Variants in NRXN3 observed in about 807,000 individuals in gnomAD.
NRXN3 encodes neurexin 3.
In NRXN3, 32 loss-of-function variants were observed where a neutral mutation model predicts 137.6. The ratio of observed to expected loss-of-function variants is 0.23; its 90% CI spans 0.18 to 0.31. The LOEUF (loss-of-function observed/expected upper bound fraction) is 0.31. Ranked by LOEUF, NRXN3 falls within the 10% of genes least tolerant of loss-of-function variation. The pLI, the probability that NRXN3 is intolerant of heterozygous loss-of-function variation, is 1.00. For missense variants in NRXN3, 1,574 were observed against 2,062.5 expected (o/e 0.76, Z 4.59); for synonymous variants, 798 against 784.5 (o/e 1.02, Z -0.29).
chr14:78,496,839 C>G (rs1208989126), intron 4 of NRXN3, among the ~76,000 whole-genome samples: 1 of 151,870 alleles, frequency 6.6e-6, no homozygotes. Flanking sequence ...CTACTGGGAG[C>G]CAGAGCATAG....
At chr14:79,228,989 T>A in intron 15 of NRXN3, among the ~76,000 whole-genome samples, 1 of 152,238 alleles carries the variant, frequency 6.6e-6, no homozygotes, top group East Asian at 1.9e-4. Flanking sequence ...GGTTACAACC[T>A]CCTTCTTACA....
At chr14:78,260,603 G>A (rs1301216550) in intron 2 of NRXN3, among the ~76,000 whole-genome samples, 1 of 152,200 alleles carries the variant, frequency 6.6e-6, no homozygotes, top group African/African-American at 2.4e-5. Flanking sequence ...AATCATGGGG[G>A]CAGGTCTTTC....
At chr14:79,407,396 T>A (rs1175621802) in intron 15 of NRXN3, among the ~76,000 whole-genome samples, 1 of 152,178 alleles carries the variant, frequency 6.6e-6, no homozygotes, top group Non-Finnish European at 1.5e-5. Flanking sequence ...CATGCCTTCA[T>A]ATACTTCTTA....
At chr14:78,276,390 A>G (rs1344593347) in intron 2 of NRXN3, among the ~76,000 whole-genome samples, 2 of 152,148 alleles carry the variant, frequency 1.3e-5, no homozygotes, top group African/African-American at 2.4e-5. Flanking sequence ...CACTGGCTTC[A>G]TTCCTGTGAT....
At chr14:79,259,932 C>G (rs1210790431) in intron 15 of NRXN3, among the ~76,000 whole-genome samples, 2 of 151,990 alleles carry the variant, frequency 1.3e-5, no homozygotes, top group African/African-American at 4.8e-5. Context: ...TCTGTCTCCC[C>G]CACCTTTCCT....
At chr14:79,584,699 G>C (rs976161137) in intron 16 of NRXN3, among the ~76,000 whole-genome samples, 2 of 152,176 alleles carry the variant, frequency 1.3e-5, no homozygotes, top group Middle Eastern at 3.2e-3. Context: ...TGCGGGCTCA[G>C]CTGACCACCT....
chr14:79,442,105 C>T (rs530112690), intron 15 of NRXN3, among the ~76,000 whole-genome samples: 9 of 152,068 alleles, frequency 5.9e-5, no homozygotes, highest in Non-Finnish European at 1.2e-4. Context: ...ATTTTTCCTA[C>T]CAGTTAAGGA....
chr14:78,587,992 C>T (rs1294764315), intron 4 of NRXN3, among the ~76,000 whole-genome samples: 1 of 151,948 alleles, frequency 6.6e-6, no homozygotes, highest in African/African-American at 2.4e-5. Context: ...TGCACAAGGA[C>T]TGAAATAACC....
At chr14:79,200,513 T>A (rs2065823773) in intron 15 of NRXN3, among the ~76,000 whole-genome samples, 1 of 152,006 alleles carries the variant, frequency 6.6e-6, no homozygotes, top group South Asian at 2.1e-4. Flanking sequence ...GAGATGAAGA[T>A]GGAAGGAAAT....
At chr14:79,037,820 C>T (rs1219930888) in intron 15 of NRXN3, among the ~76,000 whole-genome samples, 1 of 152,092 alleles carries the variant, frequency 6.6e-6, no homozygotes, top group Non-Finnish European at 1.5e-5. Context: ...ATATCACCCT[C>T]TGTGTCGCTC....
intron 16 of NRXN3, among the ~76,000 whole-genome samples, chr14:79,600,130 G>A (rs1054782306): frequency 2.0e-5 from 3 of 152,256 alleles, no homozygotes; most frequent in African/African-American, 7.2e-5. Context: ...AAAAGGTGGA[G>A]GAGCTGAGGT....
chr14:78,479,438 G>A, intron 4 of NRXN3, among the ~76,000 whole-genome samples: 1 of 152,198 alleles, frequency 6.6e-6, no homozygotes, highest in East Asian at 1.9e-4. Context: ...ACATCCTTGG[G>A]TGATGCTGAT....
In NRXN3 at chr14:79,642,657, A is replaced by C. The variant is rs1199202505; in HGVS notation, c.3445-21121A>C. Among the ~76,000 whole-genome samples, 2 of 134,914 alleles carry C rather than the reference A, an allele frequency of 1.5e-5. 1 individual carries two copies. Among genetic ancestry groups the C allele is most frequent in the Non-Finnish European group, 3.4e-5 (2 of 58,052 alleles). 88.5% of individuals were successfully genotyped at this position (134,914 alleles called of 152,430 possible). ...TGTTTGTTTAGTACACCATGTATAT[A>C]ATGTGTAAGCCTGCCTCAGTTTTCT... On this transcript the variant is annotated intron_variant, in intron 16 of 20. Coordinates refer to ENST00000335750, the MANE Select transcript of NRXN3 (RefSeq NM_001330195.2).
At chr14:78,880,351 A>G (rs565115763) in intron 10 of NRXN3, among the ~76,000 whole-genome samples, 1 of 151,702 alleles carries the variant, frequency 6.6e-6, no homozygotes, top group Non-Finnish European at 1.5e-5. Context: ...TTTACCCATT[A>G]CCTCTCTTAG....
chr14:79,508,191 G>A (rs186188779), intron 16 of NRXN3, among the ~76,000 whole-genome samples: 3 of 151,828 alleles, frequency 2.0e-5, no homozygotes, highest in Non-Finnish European at 4.4e-5. Context: ...GGCTGCCAAC[G>A]GGAGTTAGTG....
chr14:78,659,686 CA>C (rs2097819265), intron 6 of NRXN3, among the ~76,000 whole-genome samples: 1 of 68,278 alleles, frequency 1.5e-5, no homozygotes, highest in African/African-American at 5.5e-5. Context: ...TCTCAGAAAA[CA>C]AAACTGCCAT....
intron 16 of NRXN3, among the ~76,000 whole-genome samples, chr14:79,550,964 G>T (rs1184884699): frequency 6.6e-6 from 1 of 152,170 alleles, no homozygotes; most frequent in African/African-American, 2.4e-5. Context: ...TAAAGTGGAG[G>T]TTAATTCAGA....
intron 15 of NRXN3, among the ~76,000 whole-genome samples, chr14:79,047,273 A>G (rs2099634507): frequency 6.6e-6 from 1 of 152,104 alleles, no homozygotes; most frequent in South Asian, 2.1e-4. Flanking sequence ...TTTCAGTTAT[A>G]ATCTTGACAA....
chr14:78,518,532 C>G (rs1292321152), intron 4 of NRXN3, among the ~76,000 whole-genome samples: 2 of 152,124 alleles, frequency 1.3e-5, no homozygotes, highest in Non-Finnish European at 1.5e-5. Flanking sequence ...GAGAGTGTCT[C>G]TCCATGAACT....
Sources: allele counts gnomAD v4.1 joint callset (sites outside exome capture counted in the v4.1 genomes callset), GRCh38; gene constraint gnomAD v4.1.1; transcripts MANE v1.5; gene names NCBI Gene and HGNC (gene_info 2026-07-23, HGNC 2026-07-21).